Variants in DNAH14 observed in about 807,000 individuals in gnomAD.
DNAH14 encodes the protein axonemal beta dynein heavy chain 14.
In DNAH14, 478 loss-of-function variants were observed where a neutral mutation model predicts 520.9. The ratio of observed to expected loss-of-function variants is 0.92; its 90% CI spans 0.85 to 0.99. DNAH14 has a LOEUF of 0.99. DNAH14 is among the 50% of genes least tolerant of loss of function. DNAH14 has a pLI of 0.00. For missense variants in DNAH14, 4,831 were observed against 5,234.5 expected, an observed-to-expected ratio of 0.92 and a Z score of 2.38; for synonymous variants, 1,581 against 1,757.2, an observed-to-expected ratio of 0.90 and a Z score of 2.51.
rs921930188 is a variant in DNAH14 at position 225,094,368 on chromosome 1, G to T, written c.3574-2750G>T. ...TCTTTGACAAAGTTGACAAAAACAA[G>T]GCATAGGGGAAGAATTTTATATTCT... On this transcript the variant is annotated intron_variant, in intron 21 of 85. Transcript: ENST00000682510. 5.9e-5 allele frequency among the ~76,000 whole-genome samples: 9 copies of T among 151,856 alleles called. No homozygotes were observed. The South Asian group carries it at 1.0e-3, about 18-fold the overall frequency.
intron 41 of DNAH14, among the ~76,000 whole-genome samples, chr1:225,226,581 A>T (rs2090558101): frequency 6.6e-6 from 1 of 152,140 alleles, no homozygotes; most frequent in Non-Finnish European, 1.5e-5. Flanking sequence ...AACATCTTAG[A>T]CTGGAGCCAC....
At chr1:225,253,686 C>T (rs769135612) in intron 44 of DNAH14, among the ~76,000 whole-genome samples, 25 of 152,074 alleles carry the variant, frequency 1.6e-4, no homozygotes, top group African/African-American at 5.6e-4. Context: ...TCATCCCACA[C>T]GTATTAATCA....
At chr1:225,221,201 A>G (rs750710368) in intron 41 of DNAH14, among the ~76,000 whole-genome samples, 4 of 152,124 alleles carry the variant, frequency 2.6e-5, no homozygotes, top group African/African-American at 4.8e-5. Flanking sequence ...AACATAAAAA[A>G]CCCTAGAAGA....
intron 8 of DNAH14, among the ~76,000 whole-genome samples, chr1:224,974,443 C>T (rs1362362917): frequency 1.3e-5 from 2 of 152,152 alleles, no homozygotes; most frequent in Non-Finnish European, 2.9e-5. Context: ...TTAAAGTAGA[C>T]AACAGTAATC....
At chr1:225,330,341 G>A (rs1252481723) in intron 64 of DNAH14, among the ~76,000 whole-genome samples, 1 of 152,160 alleles carries the variant, frequency 6.6e-6, no homozygotes, top group Non-Finnish European at 1.5e-5. Context: ...ATATTAAATA[G>A]ATAACTGCAC....
At chr1:225,223,207 A>T (rs1272819883) in intron 41 of DNAH14, among the ~76,000 whole-genome samples, 4 of 152,202 alleles carry the variant, frequency 2.6e-5, no homozygotes, top group Non-Finnish European at 5.9e-5. Flanking sequence ...CCTGCCCGGT[A>T]ATGCAAGATC....
At chr1:225,147,061 A>G (rs1436269275) in intron 30 of DNAH14, 43 bp from the exon 31 acceptor site, 1 of 1,424,696 alleles carries the variant, frequency 7.0e-7, no homozygotes, top group Non-Finnish European at 9.4e-7. Context: ...TTTTCTCACC[A>G]TTATAATAAT....
At chr1:225,281,179 G>T (rs2093620350) in intron 54 of DNAH14, among the ~76,000 whole-genome samples, 1 of 152,196 alleles carries the variant, frequency 6.6e-6, no homozygotes, top group African/African-American at 2.4e-5. Flanking sequence ...CAAAATTAAG[G>T]TATAGGTATG....
rs747198037 is a variant in DNAH14 at position 225,117,510 on chromosome 1, T to A, written c.3868-174T>A. ...AGTTTAGCTTTATTAAACTTTTTTT[T>A]AGCAATTTAAGTATCACTTTCATTA... On this transcript the variant is annotated intron_variant, in intron 23 of 85. Coordinates refer to ENST00000682510, the MANE Select transcript of DNAH14 (RefSeq NM_001367479.1). 3.9e-5 allele frequency among the ~76,000 whole-genome samples: 6 copies of A among 152,188 alleles called. No homozygotes were observed. In the East Asian group the frequency reaches 1.2e-3, roughly 29 times the overall value.
chr1:225,167,982 G>T lies in DNAH14; in HGVS notation c.5489G>T (p.Trp1830Leu), dbSNP rs2082198410. 2 of 1,538,964 alleles carry T rather than the reference G, an allele frequency of 1.3e-6. No individual in the cohort carries two copies. The highest frequency in any genetic ancestry group is 1.8e-6 in the Non-Finnish European group (2 of 1,141,260). Residue 1830 changes from tryptophan (W) to leucine (L), a missense_variant, in exon 36 of 86, where the codon TGG (tryptophan) becomes TTG (leucine). Transcript: ENST00000682510. Reference sequence around the variant, plus strand: ...ACTCAGCAATTGGGTTTACAAAACTGGTCATCTCAGAAAGAGAAGATTATA... The same window carrying T: ...ACTCAGCAATTGGGTTTACAAAACTTGTCATCTCAGAAAGAGAAGATTATA... ...TATQQLGLQN[W>L]SSQKEKIIQF...
At chr1:225,362,420 C>CA (rs2095502878) in intron 75 of DNAH14, among the ~76,000 whole-genome samples, 1 of 151,758 alleles carries the variant, frequency 6.6e-6, no homozygotes, top group Admixed American at 6.6e-5. Flanking sequence ...ACTAAAAATA[C>CA]AAAAATTAGC....
At chr1:224,947,079 G>T (rs553591665) in intron 1 of DNAH14, among the ~76,000 whole-genome samples, 1 of 151,504 alleles carries the variant, frequency 6.6e-6, no homozygotes, top group Non-Finnish European at 1.5e-5. Flanking sequence ...CACCACGCTC[G>T]GCTAATTTTT....
chr1:224,973,997 A>G (rs774780065), intron 7 of DNAH14, 94 bp from the exon 8 acceptor site: 21 of 736,336 alleles, frequency 2.9e-5, no homozygotes, highest in Non-Finnish European at 4.1e-5. Context: ...TATGTTCTAG[A>G]GAATATTCTG....
chr1:225,290,135 C>G (rs1318664573), intron 55 of DNAH14, 53 bp downstream of exon 55: 5 of 1,221,358 alleles, frequency 4.1e-6, no homozygotes, highest in Non-Finnish European at 5.3e-6. Context: ...TATGTGGCTA[C>G]CCCCTCCCCA....
intron 34 of DNAH14, among the ~76,000 whole-genome samples, chr1:225,157,066 G>A (rs754979721): frequency 6.6e-6 from 1 of 152,026 alleles, no homozygotes; most frequent in African/African-American, 2.4e-5. Flanking sequence ...TCAGATTCTG[G>A]GGATTAAAAA....
At chr1:225,097,352 A>G (rs1558945592) in intron 22 of DNAH14, 113 bp downstream of exon 22, 1 of 1,010,464 alleles carries the variant, frequency 9.9e-7, no homozygotes, top group Non-Finnish European at 1.4e-6. Flanking sequence ...TATCCTACCT[A>G]CAGACATAGG....
intron 19 of DNAH14, 123 bp downstream of exon 19, chr1:225,080,871 C>A: frequency 9.8e-7 from 1 of 1,020,568 alleles, no homozygotes; most frequent in Non-Finnish European, 1.4e-6. Flanking sequence ...ATGGCTAGAG[C>A]TACAATACAG....
At chr1:225,337,563 G>C in intron 67 of DNAH14, 67 bp downstream of exon 67, 2 of 1,291,220 alleles carry the variant, frequency 1.5e-6, no homozygotes, top group Non-Finnish European at 2.2e-6. Flanking sequence ...TGAGCATAAA[G>C]GCTAAAAGTT....
intron 1 of DNAH14, among the ~76,000 whole-genome samples, chr1:224,943,300 C>A (rs1473657564): frequency 6.6e-6 from 1 of 152,140 alleles, no homozygotes; most frequent in East Asian, 1.9e-4. Context: ...TTATAGTATT[C>A]TCTGATGGTA....
Sources: gnomAD v4.1 joint callset for allele counts (sites outside exome capture counted in the v4.1 genomes callset) on GRCh38, gnomAD v4.1.1 for gene constraint, MANE v1.5 for transcripts, NCBI Gene and HGNC (gene_info 2026-07-23, HGNC 2026-07-21) for gene names.